HSDL1: variants seen among roughly 807,000 people sequenced by gnomAD.
The protein encoded by HSDL1 is inactive hydroxysteroid dehydrogenase-like protein 1.
HSDL1 carries 29 observed loss-of-function variants against 31.5 expected under a neutral mutation model. The observed-to-expected ratio is 0.92, with a 90% CI of 0.69 to 1.26. The LOEUF (loss-of-function observed/expected upper bound fraction) is 1.26. HSDL1 is among the 50% of genes most tolerant of loss of function. HSDL1 has a pLI of 0.00. For missense variants in HSDL1, 503 were observed against 416.6 expected (o/e 1.21, Z -1.81); for synonymous variants, 222 against 155.2 (o/e 1.43, Z -3.20).
chr16:84,130,669 T>G (rs2086655030), intron 3 of HSDL1, among the ~76,000 whole-genome samples: 1 of 152,212 alleles, frequency 6.6e-6, no homozygotes, highest in Non-Finnish European at 1.5e-5. Context: ...TTCACCATAT[T>G]GGTTAGGAGA....
Position 84,144,073 on chromosome 16 carries a change from CCTCT to C in HSDL1, c.-69+1003_-69+1006del, listed in dbSNP as rs140146164. On this transcript the variant is annotated intron_variant, in intron 1 of 5. Transcript: ENST00000219439. ...CCCTCCCTCTCCCTCTCCCTCCCTC[CCTCT>C]CTCTCTCTCTCTCTCTCCTGTGGCG... 3.3e-3 allele frequency among the ~76,000 whole-genome samples: 470 copies of C among 143,956 alleles called. 5 individuals carry two copies. Among genetic ancestry groups the C allele is most frequent in the African/African-American group, 0.011 (439 of 39,246 alleles). The allele number at this position is 143,956 out of a possible 152,430, so 94.4% of individuals were successfully genotyped here.
chr16:84,131,483 G>GTCTA (rs36192181), intron 2 of HSDL1, among the ~76,000 whole-genome samples, 156 bp from the exon 3 acceptor site: 17,514 of 144,016 alleles, frequency 0.12, 1,091 homozygotes, highest in Middle Eastern at 0.14. Flanking sequence ...CACAGTTTCA[G>GTCTA]TCTATCTATC....
chr16:84,129,989 A>C lies in HSDL1; in HGVS notation c.663T>G (p.Ser221=), dbSNP rs181108080. ...CTTCCAGTAAGTAACATCTGACCTT[A>C]GAAGCAGAAAATGCAGCCAGCTGAG... ...PTPQLAAFSA[S]KAYLDHFSRA... is the part of the protein sequence containing the mutation. Residue 221 remains serine (S), a synonymous_variant, in exon 4 of 6, where the codon TCT becomes TCG. Transcript: ENST00000219439. The C allele has an allele frequency of 6.2e-7, 1 of 1,612,412 alleles. No homozygotes were observed. Among genetic ancestry groups the C allele is most frequent in the Non-Finnish European group, 8.5e-7 (1 of 1,178,782 alleles).
intron 5 of HSDL1, among the ~76,000 whole-genome samples, chr16:84,127,141 T>C (rs571005193): frequency 6.6e-6 from 1 of 152,144 alleles, no homozygotes; most frequent in East Asian, 1.9e-4. Context: ...GACTACTTTT[T>C]AGGTTTCTCT....
chr16:84,124,659 G>C lies in HSDL1; in HGVS notation c.964C>G (p.Arg322Gly). The C allele has an allele frequency of 4.3e-6, 7 of 1,613,656 alleles. No individual in the cohort carries two copies. The highest frequency in any genetic ancestry group is 5.9e-6 in the Non-Finnish European group (7 of 1,179,572). ...WGANILNRSL[R>G]KEALSCTA is the part of the protein sequence containing the mutation. ...GCTGTGCAGGATAAGGCTTCCTTAC[G>C]TAGTGAACGGTTGAGAATATTTGCT... Residue 322 changes from arginine (R) to glycine (G), a missense_variant, in exon 6 of 6, where the codon CGT becomes GGT. Arg to Gly is a moderately radical substitution (Grantham distance 125). Coordinates refer to ENST00000219439, the MANE Select transcript of HSDL1 (RefSeq NM_031463.5).
rs2086641242 is a variant in HSDL1 at position 84,129,579 on chromosome 16, CT to C, written c.862del (p.Arg288GlyfsTer62). 1 of 1,614,002 alleles carries C rather than the reference CT, an allele frequency of 6.2e-7. No homozygotes were observed. ...HAVSTLGISK[R>X]TTGYWSHSIQ... ...AGAATGGGACCAATATCCTGTGGTC[CT>C]TTTGGAAATCCCAAGAGTAGAAACA... On this transcript the variant is annotated frameshift_variant, in exon 5 of 6. Transcript: ENST00000219439. LOFTEE classifies it high-confidence loss of function.
At chr16:84,126,395 T>C (rs2086607043) in intron 5 of HSDL1, among the ~76,000 whole-genome samples, 1 of 151,910 alleles carries the variant, frequency 6.6e-6, no homozygotes, top group East Asian at 1.9e-4. Flanking sequence ...GAAAACAAAT[T>C]TGGTCGTCAC....
chr16:84,122,775 C>G lies in HSDL1; in HGVS notation c.*1855G>C, dbSNP rs780026079. The G allele has an allele frequency of 1.3e-5, 2 of 152,248 alleles. No homozygotes were observed. Among genetic ancestry groups the G allele is most frequent in the Non-Finnish European group, 2.9e-5 (2 of 68,050 alleles). The allele number at this position is 152,248 out of a possible 1,614,324, so 9.4% of individuals were successfully genotyped here. A position where few individuals can be genotyped will look rare whatever the true frequency, so the allele number is the denominator to read the frequency against. ...ACCTAGAGAAGGTCTTGCTCTTCAT[C>G]TTTCACTGCAGCTATGGACAGCTCG... On this transcript the variant is annotated 3_prime_UTR_variant, in exon 6 of 6. Transcript: ENST00000219439.
At chr16:84,127,023 T>C (rs1261542699) in intron 5 of HSDL1, among the ~76,000 whole-genome samples, 1 of 152,164 alleles carries the variant, frequency 6.6e-6, no homozygotes, top group Non-Finnish European at 1.5e-5. Context: ...AAATTTAATT[T>C]TGAGTAAACT....
Position 84,124,714 on chromosome 16 carries a change from C to T in HSDL1, c.909G>A (p.Gln303=), listed in dbSNP as rs757530928. Residue 303 remains glutamine, a synonymous_variant, in exon 6 of 6, where the codon CAG becomes CAA. Transcript: ENST00000219439. The stretch of plus-strand genomic sequence containing the variant: ...ACACCCAGAGCCATTCAGGCATATA[C>T]TGTGCAAAAAGAAACTAAAAATGAA... The part of the protein sequence containing the change: ...WSHSIQFLFA[Q]YMPEWLWVWG... 7 of 1,612,928 alleles carry T rather than the reference C, an allele frequency of 4.3e-6. No homozygotes were observed. Among genetic ancestry groups the T allele is most frequent in the Non-Finnish European group, 5.9e-6 (7 of 1,178,978 alleles).
chr16:84,126,160 C>G (rs2086604761), intron 5 of HSDL1, among the ~76,000 whole-genome samples: 1 of 150,620 alleles, frequency 6.6e-6, no homozygotes, highest in Non-Finnish European at 1.5e-5. Flanking sequence ...TTGGAACAGA[C>G]AGACGCATAC....
At chr16:84,135,927 C>G (rs532710012) in intron 1 of HSDL1, among the ~76,000 whole-genome samples, 1 of 152,244 alleles carries the variant, frequency 6.6e-6, no homozygotes, top group African/African-American at 2.4e-5. Context: ...ATCCCAGGAG[C>G]CCTTGGGGAA....
chr16:84,132,884 G>C (rs2086681243), intron 2 of HSDL1, among the ~76,000 whole-genome samples: 2 of 151,316 alleles, frequency 1.3e-5, no homozygotes, highest in African/African-American at 4.9e-5. Flanking sequence ...CAAGGACACA[G>C]CTTATATTCT....
rs922825104 is a variant in HSDL1, at chr16:84,124,350, A to G, written c.*280T>C. The G allele has an allele frequency of 5.3e-5, 14 of 266,110 alleles. No homozygotes were observed. The highest frequency in any genetic ancestry group is 3.1e-4 in the African/African-American group (14 of 45,826). The allele number at this position is 266,110 out of a possible 1,614,324, so 16.5% of individuals were successfully genotyped here. On this transcript the variant is annotated 3_prime_UTR_variant, in exon 6 of 6. Coordinates refer to ENST00000219439, the MANE Select transcript of HSDL1 (RefSeq NM_031463.5). ...CAATATTAGACTGCTGTGGCTCTAG[A>G]ACAACAGAAAAGCGTAACTTTCAAA...
At chr16:84,142,979 C>T (rs187202222) in intron 1 of HSDL1, among the ~76,000 whole-genome samples, 23 of 152,290 alleles carry the variant, frequency 1.5e-4, no homozygotes, top group East Asian at 3.9e-4. Context: ...GAAGCTGAGC[C>T]TAAAGAGCAG....
chr16:84,140,867 G>C (rs745784889), intron 1 of HSDL1, among the ~76,000 whole-genome samples: 7 of 152,136 alleles, frequency 4.6e-5, no homozygotes, highest in Non-Finnish European at 8.8e-5. Context: ...ACTTTGGGAG[G>C]CCGAGGCGGG....
Position 84,130,052 on chromosome 16 carries a change from G to C in HSDL1, c.600C>G (p.Ile200Met). 1.2e-6 allele frequency: 2 copies of C among 1,614,154 alleles called. No homozygotes were observed. Among genetic ancestry groups the C allele is most frequent in the East Asian group, 2.2e-5 (1 of 44,886 alleles). ...AGCAGGAGCCAGAAGAGATCGTGAC[G>C]ATGGCACCTTTCTTTCTCTCCACCA... ...PGMVERKKGA[I>M]VTISSGSCCK... The change falls in exon 4 of 6, where the codon ATC becomes ATG. Residue 200 changes from isoleucine to methionine, a missense_variant. Coordinates refer to ENST00000219439, the MANE Select transcript of HSDL1 (RefSeq NM_031463.5).
At chr16:84,144,638 C>G (rs779078486) in intron 1 of HSDL1, among the ~76,000 whole-genome samples, 1 of 152,044 alleles carries the variant, frequency 6.6e-6, no homozygotes, top group Non-Finnish European at 1.5e-5. Context: ...GAAGCACCGA[C>G]AAAGGAGGCG....
rs187551978 is a variant in HSDL1, at chr16:84,124,800, C to A, written c.895-72G>T. The A allele has an allele frequency of 6.1e-6, 6 of 990,874 alleles. No individual in the cohort carries two copies. The South Asian group carries it at 8.1e-5, about 13-fold the overall frequency. The allele number at this position is 990,874 out of a possible 1,614,324, so 61.4% of individuals were successfully genotyped here. ...ACACTGAAGGAACAAGTACACAGAC[C>A]AGCACATGAAACCCACCAATCACAA... On this transcript the variant is annotated intron_variant, in intron 5 of 5. Transcript: ENST00000219439.
Sources: gnomAD v4.1 joint callset for allele counts (sites outside exome capture counted in the v4.1 genomes callset) on GRCh38, gnomAD v4.1.1 for gene constraint, MANE v1.5 for transcripts, NCBI Gene and HGNC (gene_info 2026-07-23, HGNC 2026-07-21) for gene names.